The following TMEM132C variants were observed in gnomAD, a reference collection of about 807,000 sequenced individuals.
The protein encoded by TMEM132C is protein phosphatase 1, regulatory subunit 152.
A neutral mutation model predicts 61.4 loss-of-function variants in TMEM132C; 29 were observed. The ratio of observed to expected loss-of-function variants is 0.47; its 90% CI spans 0.35 to 0.64. The LOEUF (loss-of-function observed/expected upper bound fraction) is 0.64. Ranked by LOEUF, TMEM132C falls within the 30% of genes least tolerant of loss-of-function variation. The pLI is 0.00. For synonymous variants in TMEM132C, 656 were observed against 633.1 expected, an observed-to-expected ratio of 1.04 and a Z score of -0.54; for missense variants, 1,408 against 1,476.9, an observed-to-expected ratio of 0.95 and a Z score of 0.76.
intron 2 of TMEM132C, among the ~76,000 whole-genome samples, chr12:128,506,469 G>A (rs1872365398): frequency 6.6e-6 from 1 of 152,210 alleles, no homozygotes; most frequent in African/African-American, 2.4e-5. Context: ...AGATCTTCCA[G>A]GTTTCCTCTT....
intron 2 of TMEM132C, among the ~76,000 whole-genome samples, chr12:128,457,381 G>A (rs572101286): frequency 6.6e-6 from 1 of 151,572 alleles, no homozygotes; most frequent in South Asian, 2.1e-4. Flanking sequence ...AGACCATCCT[G>A]GCTAACACGG....
chr12:128,555,236 C>G (rs1874294209), intron 3 of TMEM132C, among the ~76,000 whole-genome samples: 1 of 152,268 alleles, frequency 6.6e-6, no homozygotes, highest in Non-Finnish European at 1.5e-5. Flanking sequence ...AGTTGCATAC[C>G]TTATATACAT....
chr12:128,396,485 T>TA (rs1874961822), intron 1 of TMEM132C, among the ~76,000 whole-genome samples: 2 of 150,648 alleles, frequency 1.3e-5, no homozygotes, highest in Non-Finnish European at 3.0e-5. Flanking sequence ...GACGGGTTGA[T>TA]GGGTGCAGCA....
chr12:128,660,228 C>T (rs963061677), intron 4 of TMEM132C, among the ~76,000 whole-genome samples: 3 of 152,194 alleles, frequency 2.0e-5, no homozygotes, highest in African/African-American at 7.2e-5. Flanking sequence ...CACTGTCCAG[C>T]TGTGTGGCCC....
intron 3 of TMEM132C, among the ~76,000 whole-genome samples, chr12:128,556,911 C>A (rs1874350709): frequency 6.6e-6 from 1 of 152,124 alleles, no homozygotes; most frequent in Admixed American, 6.5e-5. Flanking sequence ...ACTCTTGATT[C>A]ACAGAAACAA....
rs1954059361 is a variant in TMEM132C at position 128,630,797 on chromosome 12, G to A, written c.1305+14462G>A. Among the ~76,000 whole-genome samples the A allele has an allele frequency of 6.6e-6, 1 of 152,214 alleles. No individual in the cohort carries two copies. The highest frequency in any genetic ancestry group is 1.5e-5 in the Non-Finnish European group (1 of 68,034). On this transcript the variant is annotated intron_variant, in intron 4 of 8. Transcript: ENST00000435159. The surrounding 1 kb of genome is among the most constrained non-coding windows in gnomAD (Gnocchi z 4.3). ...CGCCTGTAATCCCAGCACTTTGGGA[G>A]GCCGAGGCAGGCAGATCACAAGGTC... is the stretch of plus-strand genomic sequence containing the variant.
At chr12:128,377,755 T>A (rs1565917541) in intron 1 of TMEM132C, among the ~76,000 whole-genome samples, 1 of 152,162 alleles carries the variant, frequency 6.6e-6, no homozygotes, top group Non-Finnish European at 1.5e-5. Flanking sequence ...CATTGTTAGG[T>A]CTTAAAGTAG....
chr12:128,339,061 T>C (rs1758114225), intron 1 of TMEM132C, among the ~76,000 whole-genome samples: 1 of 152,156 alleles, frequency 6.6e-6, no homozygotes, highest in South Asian at 2.1e-4. Flanking sequence ...CAGGCAAATT[T>C]AGAAAGGGTT....
In TMEM132C at chr12:128,415,685, TG is replaced by T; in HGVS notation, c.974+67del. 2.1e-6 allele frequency: 3 copies of T among 1,438,572 alleles called. No individual in the cohort carries two copies. The highest frequency in any genetic ancestry group is 2.8e-6 in the Non-Finnish European group (3 of 1,084,256). The allele number at this position is 1,438,572 out of a possible 1,614,324, so 89.1% of individuals were successfully genotyped here. On this transcript the variant is annotated intron_variant, in intron 2 of 8. Transcript: ENST00000435159. The surrounding 1 kb of genome is among the most constrained non-coding windows in gnomAD (Gnocchi z 5.8). ...CTGGTGTGAGACTGGGTTCCATGCGTGGCAGATAGATATTCAGGAAGCATCG... is the reference window on the plus strand; with the variant it reads ...CTGGTGTGAGACTGGGTTCCATGCGTGCAGATAGATATTCAGGAAGCATCG...
intron 2 of TMEM132C, among the ~76,000 whole-genome samples, chr12:128,451,274 A>G (rs1870166474): frequency 6.6e-6 from 1 of 152,236 alleles, no homozygotes; most frequent in Non-Finnish European, 1.5e-5. Context: ...AGATAAAATA[A>G]TAAATGAAAA....
chr12:128,484,633 A>T (rs114430139), intron 2 of TMEM132C, among the ~76,000 whole-genome samples: 1,582 of 152,278 alleles, frequency 0.01, 30 homozygotes, highest in African/African-American at 0.036. Flanking sequence ...GTGGGGAAAC[A>T]TTCCTAGGAA....
At position 128,705,152 on chromosome 12, in the gene TMEM132C, C is replaced by T. The variant is rs1432153470; in HGVS notation, c.2184C>T (p.Tyr728=). ...SDGSVTPLDI[Y]DTKDFSLAAT... ...GCTCTGTGACGCCCCTGGACATCTA[C>T]GACACCAAGGACTTCTCCCTGGCAG... is the stretch of plus-strand genomic sequence containing the variant. Residue 728 remains tyrosine (Y), a synonymous_variant, in exon 9 of 9, where the codon TAC becomes TAT. Coordinates refer to ENST00000435159, the MANE Select transcript of TMEM132C (RefSeq NM_001136103.3). The T allele has an allele frequency of 7.7e-6, 12 of 1,551,448 alleles. No individual in the cohort carries two copies. Among genetic ancestry groups the T allele is most frequent in the South Asian group, 1.2e-5 (1 of 84,012 alleles).
intron 2 of TMEM132C, among the ~76,000 whole-genome samples, chr12:128,516,764 A>G (rs1872732656): frequency 6.6e-6 from 1 of 152,100 alleles, no homozygotes; most frequent in African/African-American, 2.4e-5. Context: ...AAATTTTTAA[A>G]TTAGCCAGGT....
In TMEM132C at chr12:128,278,860, A is replaced by G. The variant is rs1002852502; in HGVS notation, c.85+11373A>G. 2.0e-5 allele frequency among the ~76,000 whole-genome samples: 3 copies of G among 151,794 alleles called. No individual in the cohort carries two copies. Among genetic ancestry groups the G allele is most frequent in the African/African-American group, 4.8e-5 (2 of 41,292 alleles). On this transcript the variant is annotated intron_variant, in intron 1 of 8. Transcript: ENST00000435159. This position sits in a 1 kb window ranked among gnomAD's most constrained non-coding sequence, Gnocchi z 4.2. The stretch of plus-strand genomic sequence containing the variant: ...TGCATAATGTGGGTAGCCTCATCCA[A>G]TGAGTTGAAGGCCTGCAGAGATCAA...
At chr12:128,279,583 G>C (rs908580003) in intron 1 of TMEM132C, among the ~76,000 whole-genome samples, 4 of 152,124 alleles carry the variant, frequency 2.6e-5, no homozygotes, top group Non-Finnish European at 5.9e-5. Flanking sequence ...AGTCCCATGG[G>C]CCTGCTTGCT....
Position 128,319,825 on chromosome 12 carries a change from C to CAA in TMEM132C, c.85+52350_85+52351dup, listed in dbSNP as rs373273389. 9.4e-3 allele frequency among the ~76,000 whole-genome samples: 1,196 copies of CAA among 127,724 alleles called. 23 individuals are homozygous for CAA. The highest frequency in any genetic ancestry group is 0.032 in the African/African-American group (1,128 of 35,510). The allele number at this position is 127,724 out of a possible 152,430, so 83.8% of individuals were successfully genotyped here. On this transcript the variant is annotated intron_variant, in intron 1 of 8. Transcript: ENST00000435159. ...TGGGTGACAGAGTGAGACTCCATCTCAAAAAAAAAAAAAGGGCCACCAAAG... is the reference window on the plus strand; with the variant it reads ...TGGGTGACAGAGTGAGACTCCATCTCAAAAAAAAAAAAAAAGGGCCACCAAAG...
chr12:128,704,943 A>C, intron 8 of TMEM132C, 147 bp from the exon 9 acceptor site: 1 of 851,972 alleles, frequency 1.2e-6, no homozygotes, highest in Non-Finnish European at 1.7e-6. Flanking sequence ...CTGATAGAAA[A>C]CCTGTATGAT....
chr12:128,352,955 C>T (rs780633577), intron 1 of TMEM132C, among the ~76,000 whole-genome samples: 24 of 152,082 alleles, frequency 1.6e-4, no homozygotes, highest in Admixed American at 4.6e-4. Context: ...GGGAACTGTC[C>T]GAGGTGGGAG....
intron 4 of TMEM132C, among the ~76,000 whole-genome samples, chr12:128,651,805 A>G (rs1288477006): frequency 1.3e-5 from 2 of 152,208 alleles, no homozygotes; most frequent in Non-Finnish European, 2.9e-5. Context: ...AAAGACTGCC[A>G]TGTTTAAGAT....
Sources: gnomAD v4.1 joint callset for allele counts (sites outside exome capture counted in the v4.1 genomes callset) on GRCh38, gnomAD v4.1.1 for gene constraint, Gnocchi (gnomAD v3.1) non-coding constraint, MANE v1.5 for transcripts, NCBI Gene and HGNC (gene_info 2026-07-23, HGNC 2026-07-21) for gene names.